Variants in SPEF2 observed in about 807,000 individuals in gnomAD.
SPEF2 encodes the protein sperm flagella and cilia-associated protein 2.
A neutral mutation model predicts 224.6 loss-of-function variants in SPEF2; 187 were observed. That is an observed-to-expected ratio of 0.83 (90% CI 0.74 to 0.94). The LOEUF (loss-of-function observed/expected upper bound fraction) is 0.94. Ranked by LOEUF, SPEF2 falls within the 40% of genes least tolerant of loss-of-function variation. The pLI is 0.00. For synonymous variants in SPEF2, 715 were observed against 707.3 expected, an observed-to-expected ratio of 1.01 and a Z score of -0.17; for missense variants, 2,170 against 2,135.6, an observed-to-expected ratio of 1.02 and a Z score of -0.32.
intron 2 of SPEF2, among the ~76,000 whole-genome samples, chr5:35,632,363 G>T (rs2149379888): frequency 6.6e-6 from 1 of 152,286 alleles, no homozygotes; most frequent in South Asian, 2.1e-4. Flanking sequence ...AGAAGAGTGA[G>T]TAGCAAAGTG....
chr5:35,658,920 T>G (rs995114084), intron 7 of SPEF2, 99 bp from the exon 8 acceptor site: 6 of 855,836 alleles, frequency 7.0e-6, no homozygotes, highest in Non-Finnish European at 8.2e-6. Flanking sequence ...CTGATTTAGA[T>G]GAACATTATG....
intron 36 of SPEF2, 37 bp from the exon 37 acceptor site, chr5:35,814,427 T>C: frequency 2.5e-6 from 3 of 1,214,488 alleles, no homozygotes; most frequent in Non-Finnish European, 3.6e-6. Flanking sequence ...CATCCTTTAT[T>C]AGTATTTGTA....
At chr5:35,710,804 T>G (rs6875940) in intron 19 of SPEF2, 622,709 of 984,638 alleles carry the variant, frequency 0.63, 201,488 homozygotes, top group Middle Eastern at 0.67. Context: ...AATTATATTC[T>G]TGAATACTGT....
At chr5:35,675,857 C>A (rs1751927171) in intron 10 of SPEF2, 1 of 449,320 alleles carries the variant, frequency 2.2e-6, no homozygotes, top group Non-Finnish European at 4.5e-6. Context: ...AGGCTATTTT[C>A]TAATTGTTGT....
At chr5:35,791,504 A>G (rs1375174420) in intron 30 of SPEF2, 4 of 152,204 alleles carry the variant, frequency 2.6e-5, no homozygotes, top group African/African-American at 9.6e-5. Context: ...TTCCTAAAAC[A>G]AAGAATAGCT....
At chr5:35,738,995 T>C (rs906565888) in intron 21 of SPEF2, among the ~76,000 whole-genome samples, 8 of 152,194 alleles carry the variant, frequency 5.3e-5, no homozygotes, top group Non-Finnish European at 7.3e-5. Context: ...GCAGAATTCA[T>C]GTTGCTCAGA....
chr5:35,799,541 G>A (rs1243063543), intron 33 of SPEF2, among the ~76,000 whole-genome samples: 1 of 152,056 alleles, frequency 6.6e-6, no homozygotes, highest in African/African-American at 2.4e-5. Flanking sequence ...AGTGGCTTTA[G>A]GCATCATTTT....
chr5:35,689,785 G>C (rs1348867131), intron 10 of SPEF2, among the ~76,000 whole-genome samples: 1 of 151,950 alleles, frequency 6.6e-6, no homozygotes, highest in Non-Finnish European at 1.5e-5. Context: ...CCATGTTTTT[G>C]TTATTGTGAA....
intron 10 of SPEF2, among the ~76,000 whole-genome samples, chr5:35,677,825 T>G (rs1752233580): frequency 6.6e-6 from 1 of 152,232 alleles, no homozygotes; most frequent in African/African-American, 2.4e-5. Context: ...AATGGCTTAG[T>G]GTCAGTTACC....
chr5:35,631,918 G>T (rs911172188), intron 2 of SPEF2, among the ~76,000 whole-genome samples: 1 of 152,164 alleles, frequency 6.6e-6, no homozygotes, highest in Non-Finnish European at 1.5e-5. Context: ...TATATGAAAG[G>T]ATGTATGTAG....
intron 8 of SPEF2, among the ~76,000 whole-genome samples, chr5:35,663,815 T>C (rs1750053630): frequency 6.6e-6 from 1 of 152,108 alleles, no homozygotes. Context: ...GGCCAAGCCA[T>C]CTTGGAAACA....
rs536489775 is a variant in SPEF2 at position 35,703,149 on chromosome 5, T to C, written c.2399-1405T>C. Among the ~76,000 whole-genome samples, 3 of 151,568 alleles carry C rather than the reference T, an allele frequency of 2.0e-5. No individual in the cohort carries two copies. The South Asian group carries it at 6.3e-4, about 32-fold the overall frequency. ...TATTTATTTTAGAAAAGGGTCTCTC[T>C]ATATATATATGAAAGAGCTCAACTG... is the stretch of plus-strand genomic sequence containing the variant. On this transcript the variant is annotated intron_variant, in intron 16 of 36. Transcript: ENST00000356031.
intron 25 of SPEF2, 76 bp from the exon 26 acceptor site, chr5:35,763,446 C>A: frequency 7.5e-7 from 1 of 1,341,994 alleles, no homozygotes; most frequent in South Asian, 1.7e-5. Flanking sequence ...GTAAAATTTA[C>A]AAAGTAACAT....
At chr5:35,628,369 G>A (rs1744568878) in intron 1 of SPEF2, 91 bp from the exon 2 acceptor site, 1 of 699,984 alleles carries the variant, frequency 1.4e-6, no homozygotes, top group South Asian at 2.2e-5. Flanking sequence ...GTTAAATTGT[G>A]TAGTTTTTAG....
At chr5:35,753,866 T>C in intron 24 of SPEF2, 105 bp downstream of exon 24, 1 of 1,409,728 alleles carries the variant, frequency 7.1e-7, no homozygotes, top group East Asian at 2.3e-5. Context: ...TGTTCAGGGC[T>C]CATTTTGGTA....
chr5:35,649,234 A>C (rs1747849404), intron 5 of SPEF2, 127 bp from the exon 6 acceptor site: 2 of 732,198 alleles, frequency 2.7e-6, no homozygotes, highest in Non-Finnish European at 4.3e-6. Context: ...TTTAGAATGC[A>C]GCTTTTCATA....
intron 8 of SPEF2, among the ~76,000 whole-genome samples, chr5:35,661,279 TATATATATATATATATA>T (rs2149454772): frequency 9.9e-6 from 1 of 100,738 alleles, no homozygotes; most frequent in South Asian, 3.0e-4. Context: ...TATATATATA[TATATATATATATATATA>T]TATTATACAC....
intron 2 of SPEF2, among the ~76,000 whole-genome samples, chr5:35,636,923 C>A (rs1433887733): frequency 4.0e-5 from 6 of 149,046 alleles, no homozygotes; most frequent in Non-Finnish European, 8.9e-5. Context: ...TTGCAATGAG[C>A]TAAGATTGCG....
Position 35,658,712 on chromosome 5 carries a change from G to A in SPEF2, c.979-307G>A, listed in dbSNP as rs533714179. ...CAGATATTAAGCCTAGTATCCATTA[G>A]CTATTTGCTTGTTTTTAAAACCTTG... On this transcript the variant is annotated intron_variant, in intron 7 of 36. Coordinates refer to ENST00000356031, the MANE Select transcript of SPEF2 (RefSeq NM_024867.4). Among the ~76,000 whole-genome samples, 24 of 151,612 alleles carry A rather than the reference G, an allele frequency of 1.6e-4. No homozygotes were observed. The East Asian group carries it at 4.1e-3, about 26-fold the overall frequency.
Sources: allele counts gnomAD v4.1 joint callset (sites outside exome capture counted in the v4.1 genomes callset), GRCh38; gene constraint gnomAD v4.1.1; transcripts MANE v1.5; gene names NCBI Gene and HGNC (gene_info 2026-07-23, HGNC 2026-07-21).